Variants in GRIN3A observed in about 807,000 individuals in gnomAD.
GRIN3A encodes glutamate ionotropic receptor NMDA type subunit 3A.
A neutral mutation model predicts 92.4 loss-of-function variants in GRIN3A; 47 were observed. The ratio of observed to expected loss-of-function variants is 0.51; its 90% confidence interval spans 0.40 to 0.65. The LOEUF (loss-of-function observed/expected upper bound fraction) is 0.65, where lower values mean the gene tolerates loss of function less well. Ranked by LOEUF, GRIN3A falls within the 30% of genes least tolerant of loss-of-function variation. The pLI, the probability that GRIN3A is intolerant of heterozygous loss-of-function variation, is 0.00. For synonymous variants in GRIN3A, 527 were observed against 540.6 expected, an observed-to-expected ratio of 0.97 and a Z score of 0.35; for missense variants, 1,324 against 1,393.1, an observed-to-expected ratio of 0.95 and a Z score of 0.79.
intron 8 of GRIN3A, among the ~76,000 whole-genome samples, chr9:101,575,819 G>A (rs1827818568): frequency 1.3e-5 from 2 of 151,528 alleles, no homozygotes; most frequent in African/African-American, 2.4e-5. Flanking sequence ...ATGGTTCATA[G>A]CAGGGAAAAC....
rs147510558 is a variant in GRIN3A at position 101,661,168 on chromosome 9, G to A, written c.2352+8892C>T. Among the ~76,000 whole-genome samples the A allele has an allele frequency of 2.6e-4, 40 of 151,954 alleles. No individual in the cohort carries two copies. In the East Asian group the frequency reaches 6.0e-3, roughly 23 times the overall value. ...TCATTGAGGTACTCATCTCACTTGA[G>A]GCCGCAGACAGCAGCAGCACATGTG... is the stretch of plus-strand genomic sequence containing the variant. On this transcript the variant is annotated intron_variant, in intron 3 of 8. Transcript: ENST00000361820.
At chr9:101,688,827 C>T (rs1346075164) in intron 1 of GRIN3A, among the ~76,000 whole-genome samples, 1 of 152,048 alleles carries the variant, frequency 6.6e-6, no homozygotes, top group African/African-American at 2.4e-5. Flanking sequence ...AAAATTGCAC[C>T]ACTGTACTCC....
intron 1 of GRIN3A, among the ~76,000 whole-genome samples, chr9:101,728,636 T>C (rs1238802941): frequency 6.6e-6 from 1 of 152,206 alleles, no homozygotes; most frequent in Non-Finnish European, 1.5e-5. Context: ...GTTAGAGTGA[T>C]AACAGGGTTT....
chr9:101,660,296 T>C (rs1829156665), intron 3 of GRIN3A, among the ~76,000 whole-genome samples: 2 of 151,846 alleles, frequency 1.3e-5, no homozygotes. Context: ...CAATGATCTA[T>C]GCAAAATACA....
chr9:101,625,282 C>T (rs1447728758), intron 4 of GRIN3A, among the ~76,000 whole-genome samples: 3 of 152,126 alleles, frequency 2.0e-5, no homozygotes, highest in African/African-American at 7.2e-5. Flanking sequence ...TTTTCTATCC[C>T]TTCTGGGCTC....
At chr9:101,697,355 C>A (rs367860779) in intron 1 of GRIN3A, among the ~76,000 whole-genome samples, 9 of 152,234 alleles carry the variant, frequency 5.9e-5, no homozygotes, top group African/African-American at 1.7e-4. Flanking sequence ...GAATTTAGTT[C>A]TTAAAGTCTT....
At chr9:101,705,127 C>T (rs755698876) in intron 1 of GRIN3A, among the ~76,000 whole-genome samples, 1 of 152,032 alleles carries the variant, frequency 6.6e-6, no homozygotes, top group Non-Finnish European at 1.5e-5. Context: ...TGTTTTTGTG[C>T]CCAAAAGTTG....
At position 101,672,036 on chromosome 9, in the gene GRIN3A, G is replaced by A. The variant is rs186408686; in HGVS notation, c.1305-929C>T. ...TTAGACAGTAAGAGGTAACATATAA[G>A]CTTGTGGCATATTAATGGCAATAAT... On this transcript the variant is annotated intron_variant, in intron 2 of 8. Coordinates refer to ENST00000361820, the MANE Select transcript of GRIN3A (RefSeq NM_133445.3). Among the ~76,000 whole-genome samples the A allele has an allele frequency of 2.0e-5, 3 of 152,242 alleles. No homozygotes were observed. The East Asian group carries it at 5.8e-4, about 29-fold the overall frequency.
intron 7 of GRIN3A, 34 bp from the exon 8 acceptor site, chr9:101,577,878 A>G (rs767933405): frequency 6.8e-7 from 1 of 1,478,440 alleles, no homozygotes; most frequent in Non-Finnish European, 9.4e-7. Context: ...GGTAGAAATT[A>G]TGAGAAACAC....
At chr9:101,698,874 T>C (rs1829718282) in intron 1 of GRIN3A, among the ~76,000 whole-genome samples, 1 of 152,102 alleles carries the variant, frequency 6.6e-6, no homozygotes, top group Non-Finnish European at 1.5e-5. Flanking sequence ...TTCACCATGT[T>C]AGCCAGGATG....
At chr9:101,651,629 A>C (rs995562292) in intron 3 of GRIN3A, among the ~76,000 whole-genome samples, 6 of 130,568 alleles carry the variant, frequency 4.6e-5, no homozygotes, top group African/African-American at 1.8e-4. Context: ...TGTATGCAAT[A>C]AATCCATTGT....
intron 3 of GRIN3A, among the ~76,000 whole-genome samples, chr9:101,650,115 T>G (rs1828995351): frequency 6.6e-6 from 1 of 152,070 alleles, no homozygotes; most frequent in African/African-American, 2.4e-5. Context: ...AAAATACTTC[T>G]AAAACACCTA....
chr9:101,572,062 C>CA lies in GRIN3A; in HGVS notation c.*1111dup, dbSNP rs60013245. ...GGACCAAAACCAGTTCATAGCTCCT[C>CA]AGAGATGAGTGGGTGTGAGGATGGG... On this transcript the variant is annotated 3_prime_UTR_variant, in exon 9 of 9. Coordinates refer to ENST00000361820, the MANE Select transcript of GRIN3A (RefSeq NM_133445.3). 0.15 allele frequency: 23,311 copies of CA among 152,286 alleles called. 2,324 individuals carry two copies. The highest frequency in any genetic ancestry group is 0.36 in the East Asian group (1,847 of 5,148). 9.4% of individuals were successfully genotyped at this position (152,286 alleles called of 1,614,324 possible). A position where few individuals can be genotyped will look rare whatever the true frequency, so the allele number is the denominator to read the frequency against.
At chr9:101,601,990 T>G (rs971609078) in intron 6 of GRIN3A, among the ~76,000 whole-genome samples, 1 of 152,188 alleles carries the variant, frequency 6.6e-6, no homozygotes, top group East Asian at 1.9e-4. Context: ...TGAAGTCTTA[T>G]TGGACAGAAG....
At chr9:101,688,873 T>C (rs1780928721) in intron 1 of GRIN3A, among the ~76,000 whole-genome samples, 1 of 151,940 alleles carries the variant, frequency 6.6e-6, no homozygotes, top group African/African-American at 2.4e-5. Context: ...GTCTCAAAAA[T>C]AGAATAGAAT....
intron 1 of GRIN3A, among the ~76,000 whole-genome samples, chr9:101,727,430 A>G (rs1830094213): frequency 6.6e-6 from 1 of 152,238 alleles, no homozygotes; most frequent in African/African-American, 2.4e-5. Flanking sequence ...TTTTATAATC[A>G]GAAATAAAGG....
At chr9:101,577,162 G>C (rs1199889055) in intron 8 of GRIN3A, among the ~76,000 whole-genome samples, 2 of 152,170 alleles carry the variant, frequency 1.3e-5, no homozygotes, top group Non-Finnish European at 2.9e-5. Flanking sequence ...CTTTGCTAGG[G>C]AGTTTGTAGA....
At chr9:101,656,609 G>A (rs1388419992) in intron 3 of GRIN3A, among the ~76,000 whole-genome samples, 1 of 151,828 alleles carries the variant, frequency 6.6e-6, no homozygotes, top group South Asian at 2.1e-4. Context: ...TGCAGATTCT[G>A]GTTTAGTAGG....
At chr9:101,687,455 C>T (rs1001892914) in intron 1 of GRIN3A, among the ~76,000 whole-genome samples, 3 of 152,136 alleles carry the variant, frequency 2.0e-5, no homozygotes, top group African/African-American at 7.2e-5. Flanking sequence ...TCAGAAGTAA[C>T]ACAATCATAC....
Sources: gnomAD v4.1 joint callset for allele counts (sites outside exome capture counted in the v4.1 genomes callset) on GRCh38, gnomAD v4.1.1 for gene constraint, MANE v1.5 for transcripts, NCBI Gene and HGNC (gene_info 2026-07-23, HGNC 2026-07-21) for gene names.